Variants in PI4KA observed in about 807,000 individuals in gnomAD.
PI4KA encodes phosphatidylinositol 4-kinase alpha.
In PI4KA, 122 loss-of-function variants were observed where a neutral mutation model predicts 271.4. The ratio of observed to expected loss-of-function variants is 0.45; its 90% CI spans 0.39 to 0.52. PI4KA has a LOEUF of 0.52. Among genes scored for constraint, PI4KA ranks in the 20% least tolerant of loss-of-function variants. The probability of loss-of-function intolerance (pLI) is 0.00; values close to 1 mark genes in which losing one functional copy is unlikely to be tolerated. For missense variants in PI4KA, 1,969 were observed against 2,769.1 expected (o/e 0.71, Z 6.48); for synonymous variants, 1,041 against 1,078.8 (o/e 0.96, Z 0.69).
At chr22:20,726,580 G>A (rs756860305) in intron 41 of PI4KA, 39 bp from the exon 42 acceptor site, 3 of 1,554,224 alleles carry the variant, frequency 1.9e-6, no homozygotes, top group Non-Finnish European at 2.6e-6. Flanking sequence ...ACTTCTGAGA[G>A]CAGAGCCACC....
At chr22:20,812,806 T>C (rs953063314) in intron 8 of PI4KA, among the ~76,000 whole-genome samples, 1 of 152,176 alleles carries the variant, frequency 6.6e-6, no homozygotes, top group Admixed American at 6.5e-5. Context: ...TCCGCCCACT[T>C]TGGCCTCCCA....
At chr22:20,812,836 G>C (rs1358859122) in intron 8 of PI4KA, among the ~76,000 whole-genome samples, 3 of 152,232 alleles carry the variant, frequency 2.0e-5, no homozygotes, top group African/African-American at 7.2e-5. Flanking sequence ...TTACTGGCAT[G>C]AGCCACGGCG....
chr22:20,771,519 A>C (rs555740733), intron 19 of PI4KA, among the ~76,000 whole-genome samples: 52 of 152,260 alleles, frequency 3.4e-4, no homozygotes, highest in African/African-American at 1.2e-3. Flanking sequence ...TTTTTCCAAT[A>C]GTGGGTTACA....
At position 20,720,385 on chromosome 22, in the gene PI4KA, G is replaced by A. The variant is rs577137459; in HGVS notation, c.5116+913C>T. ...AGTAATCATTAAGAAGCTAGGCTGA[G>A]CTACAAAAAATTAAAAATTAGCCAG... On this transcript the variant is annotated intron_variant, in intron 43 of 54. Transcript: ENST00000255882. Among the ~76,000 whole-genome samples, 316 of 152,166 alleles carry A rather than the reference G, an allele frequency of 2.1e-3. 2 individuals are homozygous for A. The highest frequency in any genetic ancestry group is 7.3e-3 in the African/African-American group (303 of 41,516).
intron 1 of PI4KA, among the ~76,000 whole-genome samples, chr22:20,857,463 C>G (rs1378068178): frequency 6.6e-6 from 1 of 152,202 alleles, no homozygotes; most frequent in Non-Finnish European, 1.5e-5. Context: ...GCCACAAAAC[C>G]ACTCCCAACT....
intron 25 of PI4KA, 134 bp from the exon 26 acceptor site, chr22:20,751,889 G>A (rs937326391): frequency 2.8e-6 from 2 of 715,898 alleles, no homozygotes; most frequent in African/African-American, 1.8e-5. Flanking sequence ...GGAGGCCCTT[G>A]CAGCAGGATG....
chr22:20,719,674 C>T (rs1232176247), intron 43 of PI4KA, among the ~76,000 whole-genome samples: 1 of 152,062 alleles, frequency 6.6e-6, no homozygotes, highest in African/African-American at 2.4e-5. Context: ...CTCAAAGGAA[C>T]TGAAACATTT....
At chr22:20,792,617 G>C (rs890548219) in intron 19 of PI4KA, among the ~76,000 whole-genome samples, 2 of 152,196 alleles carry the variant, frequency 1.3e-5, no homozygotes, top group Non-Finnish European at 2.9e-5. Context: ...GACGAAGAAA[G>C]GGAAAAACAA....
At chr22:20,786,073 G>A (rs150163414) in intron 19 of PI4KA, 20 of 1,614,008 alleles carry the variant, frequency 1.2e-5, no homozygotes, top group Middle Eastern at 1.6e-4. Context: ...CCCTGAAGTT[G>A]ATGGGGATCA....
At chr22:20,845,789 T>C (rs1926160087) in intron 1 of PI4KA, among the ~76,000 whole-genome samples, 1 of 152,120 alleles carries the variant, frequency 6.6e-6, no homozygotes, top group African/African-American at 2.4e-5. Flanking sequence ...TGCTTGAGCC[T>C]AGGAGTTAGA....
chr22:20,766,898 C>A lies in PI4KA; in HGVS notation c.2329-1205G>T, dbSNP rs73877774. 2.9e-3 allele frequency among the ~76,000 whole-genome samples: 439 copies of A among 152,316 alleles called. 2 individuals are homozygous for A. Among genetic ancestry groups the A allele is most frequent in the African/African-American group, 1.0e-2 (414 of 41,556 alleles). ...GGCAAGGAGGGCACAATGGGATGGG[C>A]TGTGACACATCATGCACAGCAGGCA... On this transcript the variant is annotated intron_variant, in intron 19 of 54. Coordinates refer to ENST00000255882, the MANE Select transcript of PI4KA (RefSeq NM_058004.4).
chr22:20,728,731 G>A (rs190974208), intron 39 of PI4KA, among the ~76,000 whole-genome samples: 1 of 152,350 alleles, frequency 6.6e-6, no homozygotes, highest in East Asian at 1.9e-4. Flanking sequence ...ACATTGGCAA[G>A]TCTGGGCTCA....
At chr22:20,803,437 C>G in intron 12 of PI4KA, 117 bp from the exon 13 acceptor site, 1 of 1,227,106 alleles carries the variant, frequency 8.1e-7, no homozygotes, top group Non-Finnish European at 1.2e-6. Flanking sequence ...CTTCGAAGGT[C>G]AAAGCTCCCA....
chr22:20,846,242 C>T (rs1601613039), intron 1 of PI4KA, among the ~76,000 whole-genome samples: 1 of 99,880 alleles, frequency 1.0e-5, no homozygotes, highest in East Asian at 2.9e-4. Context: ...CCAGCCTGGG[C>T]AACAGAACAA....
chr22:20,816,064 T>C (rs1470491164), intron 7 of PI4KA, among the ~76,000 whole-genome samples: 1 of 152,070 alleles, frequency 6.6e-6, no homozygotes. Context: ...CTCAGTCTCC[T>C]GAGTAGCTGG....
rs1258172441 is a variant in PI4KA, at chr22:20,788,042, T to C, written c.2328+5151A>G. On this transcript the variant is annotated intron_variant, in intron 19 of 54. Coordinates refer to ENST00000255882, the MANE Select transcript of PI4KA (RefSeq NM_058004.4). ...CAGAGCAGATGACACCTGAGGAATA[T>C]GTTTCTGGATCCTTCAATCCCTGGG... Among the ~76,000 whole-genome samples the C allele has an allele frequency of 3.9e-5, 6 of 152,212 alleles. 1 individual carries two copies. Among genetic ancestry groups the C allele is most frequent in the Non-Finnish European group, 5.9e-5 (4 of 68,028 alleles).
intron 1 of PI4KA, among the ~76,000 whole-genome samples, chr22:20,850,057 T>G (rs1601620319): frequency 6.6e-6 from 1 of 152,184 alleles, no homozygotes; most frequent in Non-Finnish European, 1.5e-5. Context: ...TGGTGATGGA[T>G]GGACAACTCT....
intron 4 of PI4KA, among the ~76,000 whole-genome samples, chr22:20,823,428 TG>T: frequency 6.6e-6 from 1 of 152,266 alleles, no homozygotes; most frequent in East Asian, 1.9e-4. Context: ...ACATTTAGAA[TG>T]CAGACAAGCA....
At chr22:20,719,560 C>T (rs925809568) in intron 43 of PI4KA, among the ~76,000 whole-genome samples, 3 of 152,042 alleles carry the variant, frequency 2.0e-5, no homozygotes, top group African/African-American at 4.8e-5. Flanking sequence ...TTTCACAGAC[C>T]TTTGTTTTTA....
Sources: allele counts gnomAD v4.1 joint callset (sites outside exome capture counted in the v4.1 genomes callset), GRCh38; gene constraint gnomAD v4.1.1; transcripts MANE v1.5; gene names NCBI Gene and HGNC (gene_info 2026-07-23, HGNC 2026-07-21).